The following OPRM1 variants were observed in gnomAD, a reference collection of about 807,000 sequenced individuals.
The protein encoded by OPRM1 is opioid receptor mu 1.
A neutral mutation model predicts 31.8 loss-of-function variants in OPRM1; 27 were observed. The ratio of observed to expected loss-of-function variants is 0.85; its 90% CI spans 0.63 to 1.17. OPRM1 has a LOEUF of 1.17. OPRM1 is among the 50% of genes most tolerant of loss of function. OPRM1 has a pLI of 0.00. For missense variants in OPRM1, 536 were observed against 511.1 expected (o/e 1.05, Z -0.47); for synonymous variants, 196 against 189.9 (o/e 1.03, Z -0.26).
At chr6:154,049,168 G>A (rs909562422) in intron 1 of OPRM1, among the ~76,000 whole-genome samples, 1 of 152,138 alleles carries the variant, frequency 6.6e-6, no homozygotes, top group Non-Finnish European at 1.5e-5. Flanking sequence ...CAAAGCTTCT[G>A]TAACACAAGT....
At chr6:154,132,439 G>C (rs1410371031), downstream of OPRM1, among the ~76,000 whole-genome samples, 1 of 152,054 alleles carries the variant, frequency 6.6e-6, no homozygotes, top group Admixed American at 6.6e-5. Flanking sequence ...TTGCGACGTA[G>C]GTAAATAGCC....
chr6:154,067,531 A>G (rs569462314), intron 1 of OPRM1, among the ~76,000 whole-genome samples: 1 of 151,810 alleles, frequency 6.6e-6, no homozygotes, highest in East Asian at 1.9e-4. Context: ...ACTGTATATA[A>G]TATTTATTTT....
intron 3 of OPRM1, among the ~76,000 whole-genome samples, chr6:154,095,946 T>C (rs1418111128): frequency 1.3e-5 from 2 of 152,230 alleles, no homozygotes. Flanking sequence ...CACTTCAGGT[T>C]CAACTCAAAC....
intron 1 of OPRM1, among the ~76,000 whole-genome samples, chr6:154,032,458 C>T (rs1302612036): frequency 6.6e-6 from 1 of 152,156 alleles, no homozygotes; most frequent in Non-Finnish European, 1.5e-5. Flanking sequence ...TTTTTAGAGA[C>T]AGGATCTCTC....
intron 1 of OPRM1, 69 bp downstream of exon 1, chr6:154,039,903 T>G: frequency 7.2e-7 from 1 of 1,389,082 alleles, no homozygotes; most frequent in South Asian, 1.4e-5. Flanking sequence ...GACACCTAAC[T>G]CCCAAGGCTC....
intron 3 of OPRM1, among the ~76,000 whole-genome samples, chr6:154,186,908 G>C (rs965279390): frequency 2.0e-5 from 3 of 152,082 alleles, no homozygotes; most frequent in African/African-American, 7.2e-5. Flanking sequence ...TCCCTGCAGA[G>C]GGAACCCTGC....
intron 1 of OPRM1, among the ~76,000 whole-genome samples, chr6:154,020,143 A>G (rs949561666): frequency 2.0e-5 from 3 of 152,214 alleles, no homozygotes; most frequent in Admixed American, 1.3e-4. Flanking sequence ...TTTGACAATT[A>G]TGAATAAAGC....
At chr6:154,097,586 C>CGT (rs5881063) in intron 3 of OPRM1, among the ~76,000 whole-genome samples, 17,048 of 149,426 alleles carry the variant, frequency 0.11, 1,113 homozygotes, top group Admixed American at 0.22. Context: ...AAAATGGTTC[C>CGT]GTGTGTGTGT....
chr6:154,152,345 AAGG>A (rs767107251), intron 3 of OPRM1, among the ~76,000 whole-genome samples: 2 of 13,432 alleles, frequency 1.5e-4, no homozygotes, highest in African/African-American at 3.7e-4. Flanking sequence ...GAAAGAAAGA[AAGG>A]AAAGAAAGAA....
chr6:154,219,261 A>G (rs1177646185), intron 3 of OPRM1: 1 of 152,218 alleles, frequency 6.6e-6, no homozygotes, highest in Non-Finnish European at 1.5e-5. Flanking sequence ...ACTAGGTAAC[A>G]AACAAAGCAC....
At chr6:154,138,212 G>A (rs1015623019) in intron 3 of OPRM1, among the ~76,000 whole-genome samples, 6 of 151,550 alleles carry the variant, frequency 4.0e-5, no homozygotes, top group Non-Finnish European at 8.8e-5. Flanking sequence ...ATTGACGTGA[G>A]GATTAAATTA....
intron 3 of OPRM1, among the ~76,000 whole-genome samples, chr6:154,208,955 A>C (rs552535988): frequency 1.4e-4 from 21 of 152,226 alleles, no homozygotes; most frequent in African/African-American, 5.1e-4. Context: ...TCTTTCCACT[A>C]TCAACCCTCT....
At chr6:154,165,253 C>T (rs1357137551) in intron 3 of OPRM1, among the ~76,000 whole-genome samples, 9 of 152,116 alleles carry the variant, frequency 5.9e-5, no homozygotes, top group South Asian at 2.1e-4. Flanking sequence ...CAGAAGGACC[C>T]GCACCCAGCA....
chr6:154,228,410 C>A (rs1225107821), intron 3 of OPRM1, among the ~76,000 whole-genome samples: 1 of 152,192 alleles, frequency 6.6e-6, no homozygotes, highest in Non-Finnish European at 1.5e-5. Context: ...GGTATCAAAC[C>A]CATCGTTTGG....
At chr6:154,036,434 C>G (rs1779301129), upstream of OPRM1, among the ~76,000 whole-genome samples, 1 of 151,982 alleles carries the variant, frequency 6.6e-6, no homozygotes, top group Non-Finnish European at 1.5e-5. Flanking sequence ...AAAAATCAAT[C>G]TCAGCTGAGA....
chr6:154,061,562 T>C (rs572731639), intron 1 of OPRM1, among the ~76,000 whole-genome samples: 1 of 152,234 alleles, frequency 6.6e-6, no homozygotes, highest in South Asian at 2.1e-4. Context: ...AGGCAATGTA[T>C]GCAGGAACAG....
In OPRM1 at chr6:154,118,695, G is replaced by A. The variant is rs1176744152; in HGVS notation, c.1177G>A (p.Glu393Lys). The change falls in exon 4 of 4, where the codon GAA (glutamate) becomes AAA (lysine). Residue 393 changes from glutamate (E) to lysine (K), a missense_variant. Transcript: ENST00000330432. Reference protein sequence around the residue: ...DRTNHQLENLEAETAPLP With the variant: ...DRTNHQLENLKAETAPLP ...TCTCTCCTTTCAGCTAGAAAATCTGGAAGCAGAAACTGCTCCGTTGCCCTA... is the reference window on the plus strand; with the variant it reads ...TCTCTCCTTTCAGCTAGAAAATCTGAAAGCAGAAACTGCTCCGTTGCCCTA... 2 of 1,613,246 alleles carry A rather than the reference G, an allele frequency of 1.2e-6. No homozygotes were observed. The highest frequency in any genetic ancestry group is 8.5e-7 in the Non-Finnish European group (1 of 1,179,540).
intron 3 of OPRM1, among the ~76,000 whole-genome samples, chr6:154,099,385 G>GAGAA (rs767881784): frequency 7.2e-6 from 1 of 138,136 alleles, no homozygotes; most frequent in African/African-American, 2.7e-5. Flanking sequence ...GAGAAAGAAA[G>GAGAA]AGAAAGAAAG....
At chr6:154,139,558 A>C (rs1798144990) in intron 3 of OPRM1, among the ~76,000 whole-genome samples, 1 of 152,174 alleles carries the variant, frequency 6.6e-6, no homozygotes, top group Non-Finnish European at 1.5e-5. Flanking sequence ...TGCTTTGAGG[A>C]TCTCATGTCT....
Sources: gnomAD v4.1 joint callset for allele counts (sites outside exome capture counted in the v4.1 genomes callset) on GRCh38, gnomAD v4.1.1 for gene constraint, MANE v1.5 for transcripts, NCBI Gene and HGNC (gene_info 2026-07-23, HGNC 2026-07-21) for gene names.